The following FBXO36 variants were observed in gnomAD, a reference collection of about 807,000 sequenced individuals.
FBXO36 encodes F-box only protein 36.
A neutral mutation model predicts 17.0 loss-of-function variants in FBXO36; 18 were observed. The observed-to-expected ratio is 1.06, with a 90% CI of 0.73 to 1.57. FBXO36 has a LOEUF of 1.57. FBXO36 is among the 40% of genes most tolerant of loss of function. FBXO36 has a pLI of 0.00. For synonymous variants in FBXO36, 83 were observed against 85.3 expected, an observed-to-expected ratio of 0.97 and a Z score of 0.15; for missense variants, 229 against 221.9, an observed-to-expected ratio of 1.03 and a Z score of -0.20.
At chr2:229,954,957 C>A (rs1220364524) in intron 1 of FBXO36, among the ~76,000 whole-genome samples, 4 of 151,620 alleles carry the variant, frequency 2.6e-5, no homozygotes, top group Non-Finnish European at 4.4e-5. Context: ...TCAAGCAATT[C>A]TCCTGCCTCA....
At chr2:229,964,814 C>A (rs763039164) in intron 1 of FBXO36, among the ~76,000 whole-genome samples, 6 of 152,140 alleles carry the variant, frequency 3.9e-5, no homozygotes, top group African/African-American at 1.4e-4. Context: ...CCACCGCGCC[C>A]GGTGCGTGTA....
chr2:229,991,677 A>G (rs1284033102), intron 2 of FBXO36, among the ~76,000 whole-genome samples: 1 of 152,240 alleles, frequency 6.6e-6, no homozygotes, highest in African/African-American at 2.4e-5. Context: ...TCTCTTAAAA[A>G]TATCATGGGT....
intron 2 of FBXO36, among the ~76,000 whole-genome samples, chr2:229,984,909 G>A (rs1015713134): frequency 6.6e-6 from 1 of 152,130 alleles, no homozygotes; most frequent in Non-Finnish European, 1.5e-5. Flanking sequence ...ACACTTACAT[G>A]AGAATGTCAG....
At chr2:229,972,081 C>G (rs936947151) in intron 1 of FBXO36, among the ~76,000 whole-genome samples, 4 of 151,300 alleles carry the variant, frequency 2.6e-5, no homozygotes, top group Non-Finnish European at 5.9e-5. Context: ...GCAACCTCCG[C>G]CTCCTGGGTT....
At chr2:229,941,227 A>C (rs926917129) in intron 1 of FBXO36, among the ~76,000 whole-genome samples, 27 of 152,104 alleles carry the variant, frequency 1.8e-4, no homozygotes, top group African/African-American at 5.1e-4. Context: ...AGGCCGAGGC[A>C]GGCAGATCAC....
At chr2:229,997,480 A>G (rs2077333226) in intron 3 of FBXO36, among the ~76,000 whole-genome samples, 1 of 151,544 alleles carries the variant, frequency 6.6e-6, no homozygotes, top group Admixed American at 6.6e-5. Flanking sequence ...CAGGAGGCTG[A>G]GGCAGGAGAA....
chr2:230,010,573 T>C, intron 3 of FBXO36, 123 bp from the exon 4 acceptor site: 1 of 813,318 alleles, frequency 1.2e-6, no homozygotes, highest in Non-Finnish European at 1.9e-6. Context: ...AGAGGAGGTT[T>C]CTCAAGGCAG....
chr2:229,935,537 A>T (rs900242770), intron 1 of FBXO36, among the ~76,000 whole-genome samples: 4 of 152,144 alleles, frequency 2.6e-5, no homozygotes, highest in African/African-American at 7.2e-5. Flanking sequence ...AATAAAAATA[A>T]TAATAATAAT....
intron 3 of FBXO36, among the ~76,000 whole-genome samples, chr2:230,001,382 G>T (rs1045210456): frequency 6.6e-6 from 1 of 151,854 alleles, no homozygotes; most frequent in African/African-American, 2.4e-5. Flanking sequence ...CTGCCTCCTG[G>T]GTTCAAGCAA....
At chr2:229,993,001 A>T (rs549317181) in intron 2 of FBXO36, among the ~76,000 whole-genome samples, 1 of 152,282 alleles carries the variant, frequency 6.6e-6, no homozygotes, top group East Asian at 1.9e-4. Flanking sequence ...TTCCTATCTG[A>T]GGGGTCTGGG....
intron 3 of FBXO36, among the ~76,000 whole-genome samples, chr2:230,009,871 A>G (rs1017402848): frequency 6.6e-6 from 1 of 152,166 alleles, no homozygotes; most frequent in East Asian, 1.9e-4. Context: ...ACTTGAACCC[A>G]GTAGGCGGAG....
At chr2:230,005,294 G>A (rs977442723) in intron 3 of FBXO36, among the ~76,000 whole-genome samples, 3 of 151,614 alleles carry the variant, frequency 2.0e-5, no homozygotes, top group African/African-American at 7.3e-5. Context: ...TAGAGACTGG[G>A]TCTTGCTATC....
chr2:230,004,489 C>T (rs895768185), intron 3 of FBXO36, among the ~76,000 whole-genome samples: 2 of 152,196 alleles, frequency 1.3e-5, no homozygotes, highest in African/African-American at 4.8e-5. Context: ...CCCTCCCAGT[C>T]CTGACCCTCA....
At chr2:229,988,276 A>C (rs549922702) in intron 2 of FBXO36, among the ~76,000 whole-genome samples, 1 of 152,196 alleles carries the variant, frequency 6.6e-6, no homozygotes, top group Non-Finnish European at 1.5e-5. Flanking sequence ...TCTAACATCT[A>C]TTATAAACGA....
intron 2 of FBXO36, among the ~76,000 whole-genome samples, chr2:229,987,255 A>G (rs1335839289): frequency 6.6e-6 from 1 of 151,982 alleles, no homozygotes; most frequent in Non-Finnish European, 1.5e-5. Context: ...AATACCACTA[A>G]CAAAAGATGT....
At chr2:229,943,914 G>C (rs1007614216) in intron 1 of FBXO36, among the ~76,000 whole-genome samples, 14 of 152,146 alleles carry the variant, frequency 9.2e-5, no homozygotes, top group African/African-American at 3.4e-4. Context: ...TAGATCATGG[G>C]GGCGGACTTC....
intron 3 of FBXO36, among the ~76,000 whole-genome samples, chr2:230,005,127 C>T (rs936265701): frequency 6.6e-6 from 1 of 152,104 alleles, no homozygotes; most frequent in Non-Finnish European, 1.5e-5. Context: ...GAGACAGGGT[C>T]ATCTTGCTGT....
At chr2:229,972,750 C>T (rs1207828465) in intron 1 of FBXO36, among the ~76,000 whole-genome samples, 1 of 151,996 alleles carries the variant, frequency 6.6e-6, no homozygotes, top group Non-Finnish European at 1.5e-5. Context: ...CATAATTCAG[C>T]TATGACAACC....
rs1417932696 is a variant in FBXO36, at chr2:229,922,579, C to A, written c.66C>A (p.Asp22Glu). 6.2e-7 allele frequency: 1 copy of A among 1,614,114 alleles called. No homozygotes were observed. Among genetic ancestry groups the A allele is most frequent in the Admixed American group, 1.7e-5 (1 of 60,032 alleles). ...GACAAGGCCCGCCGCCTAGCAAAGA[C>A]TATTACCAGTTACTGGTCACCCGGT... Reference protein sequence around the residue: ...TVGQGPPPSKDYYQLLVTRSQ... With the variant: ...TVGQGPPPSKEYYQLLVTRSQ... The change falls in exon 1 of 4, where the codon GAC (aspartate) becomes GAA (glutamate). Residue 22 changes from aspartate to glutamate, a missense_variant. Asp to Glu is a conservative substitution (Grantham distance 45). Coordinates refer to ENST00000283946, the MANE Select transcript of FBXO36 (RefSeq NM_174899.5).
Sources: allele counts gnomAD v4.1 joint callset (sites outside exome capture counted in the v4.1 genomes callset), GRCh38; gene constraint gnomAD v4.1.1; transcripts MANE v1.5; gene names NCBI Gene and HGNC (gene_info 2026-07-23, HGNC 2026-07-21).